ABTB3: variants seen among roughly 807,000 people sequenced by gnomAD.
ABTB3 encodes the protein ankyrin repeat- and BTB/POZ domain-containing protein 3.
chr12:107,387,938 CCTTCTCTTTT>C, the ABTB3 span, among the ~76,000 whole-genome samples: 7 of 151,252 alleles, frequency 4.6e-5, no homozygotes, highest in African/African-American at 7.3e-5. Context: ...CTACTCCTCT[CCTTCTCTTTT>C]CTCCTCTTCT....
the ABTB3 span, among the ~76,000 whole-genome samples, chr12:107,321,714 C>T: frequency 2.0e-5 from 3 of 152,076 alleles, no homozygotes; most frequent in East Asian, 1.9e-4. Context: ...CGGGGATTCA[C>T]CTGCAAAACC....
the ABTB3 span, among the ~76,000 whole-genome samples, chr12:107,614,698 T>G: frequency 3.3e-5 from 5 of 152,196 alleles, no homozygotes; most frequent in African/African-American, 4.8e-5. Flanking sequence ...TTACTTCCTT[T>G]CAGAGGAGAA....
chr12:107,433,776 G>C, the ABTB3 span, among the ~76,000 whole-genome samples: 3 of 152,192 alleles, frequency 2.0e-5, no homozygotes, highest in East Asian at 5.8e-4. Flanking sequence ...GTCTTACTCT[G>C]TTCTGGCCGC....
At chr12:107,378,592 G>A in the ABTB3 span, among the ~76,000 whole-genome samples, 1 of 152,124 alleles carries the variant, frequency 6.6e-6, no homozygotes, top group East Asian at 1.9e-4. Context: ...ACCTGGAGAA[G>A]CCCACCAGTT....
chr12:107,581,299 G>C, the ABTB3 span: 4 of 1,396,314 alleles, frequency 2.9e-6, no homozygotes, highest in Admixed American at 1.0e-4. Flanking sequence ...AGCCGCGCCA[G>C]CTCAGGTAGG....
the ABTB3 span, among the ~76,000 whole-genome samples, chr12:107,331,890 C>G: frequency 1.7e-3 from 258 of 152,334 alleles, no homozygotes; most frequent in Non-Finnish European, 3.0e-3. Context: ...GGGCCTCCCC[C>G]CCGCCCCACC....
the ABTB3 span, among the ~76,000 whole-genome samples, chr12:107,645,246 C>T: frequency 3.3e-5 from 5 of 152,174 alleles, no homozygotes; most frequent in African/African-American, 1.2e-4. Context: ...GGATTACAGG[C>T]GTGAGCCACT....
the ABTB3 span, among the ~76,000 whole-genome samples, chr12:107,325,028 T>C: frequency 1.3e-5 from 2 of 152,224 alleles, no homozygotes; most frequent in Non-Finnish European, 2.9e-5. Flanking sequence ...TTAAATCAGA[T>C]ACAGTTTATA....
chr12:107,439,488 G>T, the ABTB3 span, among the ~76,000 whole-genome samples: 1 of 152,040 alleles, frequency 6.6e-6, no homozygotes, highest in Non-Finnish European at 1.5e-5. Flanking sequence ...CCATCTGTGG[G>T]GTGGGGCTCC....
chr12:107,423,267 A>C, the ABTB3 span, among the ~76,000 whole-genome samples: 2 of 152,254 alleles, frequency 1.3e-5, no homozygotes, highest in African/African-American at 4.8e-5. Context: ...GTCACAAAGT[A>C]TGCTTTCACA....
At chr12:107,604,983 G>A in the ABTB3 span, among the ~76,000 whole-genome samples, 1 of 152,148 alleles carries the variant, frequency 6.6e-6, no homozygotes, top group African/African-American at 2.4e-5. Flanking sequence ...TAAACCTGGA[G>A]GACATTATGT....
the ABTB3 span, among the ~76,000 whole-genome samples, chr12:107,354,220 T>C: frequency 2.9e-3 from 435 of 152,350 alleles, 13 homozygotes; most frequent in East Asian, 0.067. Flanking sequence ...GTTTTTGTAA[T>C]AGCTTTCTTG....
chr12:107,417,949 G>T, the ABTB3 span, among the ~76,000 whole-genome samples: 327 of 152,348 alleles, frequency 2.1e-3, no homozygotes, highest in Non-Finnish European at 3.9e-3. Context: ...ATTCTAGAAA[G>T]TTTCTCAGCT....
At chr12:107,526,676 G>T in the ABTB3 span, among the ~76,000 whole-genome samples, 1 of 152,024 alleles carries the variant, frequency 6.6e-6, no homozygotes, top group Admixed American at 6.6e-5. Flanking sequence ...GTCTCTTCCT[G>T]TTGTCTTTTC....
chr12:107,585,066 A>G, the ABTB3 span, among the ~76,000 whole-genome samples: 3 of 152,120 alleles, frequency 2.0e-5, no homozygotes, highest in Non-Finnish European at 4.4e-5. Context: ...TGTGTTCTTA[A>G]TTACTGGTTT....
At chr12:107,354,402 A>G in the ABTB3 span, among the ~76,000 whole-genome samples, 6 of 151,940 alleles carry the variant, frequency 3.9e-5, no homozygotes, top group African/African-American at 1.5e-4. Context: ...CCTTTTGTCT[A>G]TCTTCTCCCC....
the ABTB3 span, among the ~76,000 whole-genome samples, chr12:107,584,015 T>C: frequency 6.6e-6 from 1 of 152,192 alleles, no homozygotes; most frequent in Non-Finnish European, 1.5e-5. Flanking sequence ...AAATAGTAAG[T>C]GAAGGATTTA....
the ABTB3 span, among the ~76,000 whole-genome samples, chr12:107,574,641 G>A: frequency 6.6e-6 from 1 of 152,326 alleles, no homozygotes; most frequent in South Asian, 2.1e-4. Context: ...AGAATTGCTT[G>A]AACCCAGGAG....
chr12:107,347,558 T>C, the ABTB3 span, among the ~76,000 whole-genome samples: 12 of 152,142 alleles, frequency 7.9e-5, no homozygotes, highest in East Asian at 2.3e-3. Flanking sequence ...TCTTGTCTTC[T>C]AAGGTCTCTC....
Sources: gnomAD v4.1 joint callset for allele counts (sites outside exome capture counted in the v4.1 genomes callset) on GRCh38, gnomAD v4.1.1 for gene constraint, MANE v1.5 for transcripts, NCBI Gene and HGNC (gene_info 2026-07-23, HGNC 2026-07-21) for gene names.